BRAF: variants seen among roughly 807,000 people sequenced by gnomAD.
BRAF encodes the protein B-Raf proto-oncogene, serine/threonine kinase.
BRAF carries 16 observed loss-of-function variants against 104.6 expected under a neutral mutation model. The observed-to-expected ratio is 0.15, with a 90% CI of 0.10 to 0.23. The LOEUF (loss-of-function observed/expected upper bound fraction) is 0.23, where lower values mean the gene tolerates loss of function less well. BRAF is among the 10% of genes least tolerant of loss of function. The pLI, the probability that BRAF is intolerant of heterozygous loss-of-function variation, is 1.00. For synonymous variants in BRAF, 310 were observed against 341.6 expected (o/e 0.91, Z 1.02); for missense variants, 541 against 937.3 (o/e 0.58, Z 5.52).
chr7:140,844,004 A>C (rs1286839954), intron 2 of BRAF, among the ~76,000 whole-genome samples: 1 of 152,128 alleles, frequency 6.6e-6, no homozygotes, highest in Non-Finnish European at 1.5e-5. Flanking sequence ...GCAAGACTCC[A>C]TCTCAAAAAA....
the BRAF span, among the ~76,000 whole-genome samples, chr7:140,713,533 T>C: frequency 6.6e-6 from 1 of 152,132 alleles, no homozygotes; most frequent in Non-Finnish European, 1.5e-5. Context: ...TCAAAGCTTT[T>C]AACTTCTTTG....
intron 17 of BRAF, among the ~76,000 whole-genome samples, chr7:140,746,601 C>T (rs901910471): frequency 6.6e-6 from 1 of 151,904 alleles, no homozygotes; most frequent in Admixed American, 6.6e-5. Flanking sequence ...CAGGCTGAGG[C>T]GGGCAGATCA....
At chr7:140,796,245 G>T (rs1319925128) in intron 7 of BRAF, among the ~76,000 whole-genome samples, 1 of 151,994 alleles carries the variant, frequency 6.6e-6, no homozygotes, top group Non-Finnish European at 1.5e-5. Context: ...CAGCTACTCA[G>T]GGGGCTGAGG....
At chr7:140,765,910 G>A (rs993011530) in intron 14 of BRAF, among the ~76,000 whole-genome samples, 1 of 142,856 alleles carries the variant, frequency 7.0e-6, no homozygotes, top group African/African-American at 3.0e-5. Flanking sequence ...CAGGGATCTA[G>A]AACTAGAAAT....
chr7:140,747,036 T>C (rs1246962085), intron 17 of BRAF, among the ~76,000 whole-genome samples: 1 of 152,124 alleles, frequency 6.6e-6, no homozygotes, highest in Non-Finnish European at 1.5e-5. Context: ...AGAATATTCC[T>C]GGATTCTTAA....
chr7:140,759,671 C>A (rs939474238), intron 14 of BRAF, among the ~76,000 whole-genome samples: 1 of 152,240 alleles, frequency 6.6e-6, no homozygotes, highest in East Asian at 1.9e-4. Context: ...GAGGCGTGAG[C>A]CACCACACCC....
At chr7:140,785,518 T>C (rs1801264832) in intron 10 of BRAF, among the ~76,000 whole-genome samples, 1 of 152,204 alleles carries the variant, frequency 6.6e-6, no homozygotes, top group Admixed American at 6.5e-5. Context: ...CTTGTGGCAG[T>C]GAGTACGTGT....
chr7:140,805,928 CA>C (rs1297656247), intron 5 of BRAF, among the ~76,000 whole-genome samples: 1 of 152,116 alleles, frequency 6.6e-6, no homozygotes, highest in Non-Finnish European at 1.5e-5. Context: ...TTCTAACACA[CA>C]AATCTAATCA....
chr7:140,784,836 G>T (rs1217287144), intron 10 of BRAF, among the ~76,000 whole-genome samples: 1 of 151,948 alleles, frequency 6.6e-6, no homozygotes, highest in Admixed American at 6.6e-5. Flanking sequence ...TTGTAGAGAC[G>T]GGGTTTCACC....
intron 3 of BRAF, among the ~76,000 whole-genome samples, chr7:140,833,018 C>T (rs1323892514): frequency 6.6e-6 from 1 of 151,948 alleles, no homozygotes; most frequent in Admixed American, 6.6e-5. Context: ...GGACTACAGG[C>T]ACCCACCACC....
chr7:140,848,443 G>C (rs1003556774), intron 2 of BRAF, among the ~76,000 whole-genome samples: 1 of 152,156 alleles, frequency 6.6e-6, no homozygotes, highest in Non-Finnish European at 1.5e-5. Context: ...ACACAGTACT[G>C]GGCACAGAAT....
intron 1 of BRAF, among the ~76,000 whole-genome samples, chr7:140,912,376 C>T (rs2129140658): frequency 6.6e-6 from 1 of 152,290 alleles, no homozygotes; most frequent in East Asian, 1.9e-4. Flanking sequence ...ACATACTCTG[C>T]TTAATGGCCT....
chr7:140,721,096 A>G lies in BRAF; in HGVS notation c.*5398T>C, dbSNP rs1795302162. On this transcript the variant is annotated 3_prime_UTR_variant, in exon 20 of 20. Transcript: ENST00000644969. The stretch of plus-strand genomic sequence containing the variant: ...TCTTTAAAAAAAAATGCACCTCTAA[A>G]AAATGGATACACTGGCTTACATTGG... The G allele has an allele frequency of 1.1e-5, 12 of 1,064,684 alleles. No homozygotes were observed. Among genetic ancestry groups the G allele is most frequent in the Non-Finnish European group, 1.3e-5 (11 of 878,990 alleles). 66.0% of individuals were successfully genotyped at this position (1,064,684 alleles called of 1,614,324 possible). A position where few individuals can be genotyped will look rare whatever the true frequency, so the allele number is the denominator to read the frequency against.
chr7:140,838,768 T>C (rs1364134822), intron 2 of BRAF, among the ~76,000 whole-genome samples: 1 of 152,080 alleles, frequency 6.6e-6, no homozygotes, highest in East Asian at 1.9e-4. Context: ...AGAACACACA[T>C]ATAGAACAGA....
chr7:140,723,296 A>G lies in BRAF; in HGVS notation c.*3198T>C, dbSNP rs1795413681. ...AACCAGAAGCTAGGAAATATTTACA[A>G]AGTTTCAGGTTGACAGTGCTGCAGT... is the stretch of plus-strand genomic sequence containing the variant. On this transcript the variant is annotated 3_prime_UTR_variant, in exon 20 of 20. Transcript: ENST00000644969. 9.5e-7 allele frequency: 1 copy of G among 1,056,122 alleles called. No individual in the cohort carries two copies. The highest frequency in any genetic ancestry group is 1.7e-5 in the African/African-American group (1 of 60,560). The allele number at this position is 1,056,122 out of a possible 1,614,324, so 65.4% of individuals were successfully genotyped here.
chr7:140,800,886 T>C (rs574007372), intron 6 of BRAF: 58 of 299,564 alleles, frequency 1.9e-4, no homozygotes, highest in African/African-American at 6.2e-4. Context: ...AAAGAGATAA[T>C]AGACTCAGTC....
At chr7:140,859,603 C>G (rs1036573680) in intron 1 of BRAF, among the ~76,000 whole-genome samples, 1 of 151,920 alleles carries the variant, frequency 6.6e-6, no homozygotes, top group African/African-American at 2.4e-5. Context: ...TGTCAATTTT[C>G]CACAAATAAA....
intron 19 of BRAF, among the ~76,000 whole-genome samples, chr7:140,728,200 A>G (rs1009772): frequency 0.057 from 8,667 of 152,176 alleles, 294 homozygotes; most frequent in South Asian, 0.11. Flanking sequence ...TGATAACCCT[A>G]TGAGGCAGAT....
At chr7:140,849,964 A>G (rs1808981342) in intron 2 of BRAF, 147 bp downstream of exon 2, 1 of 581,680 alleles carries the variant, frequency 1.7e-6, no homozygotes, top group East Asian at 2.9e-5. Flanking sequence ...AAGATTAAGA[A>G]GTATAATACA....
Sources: gnomAD v4.1 joint callset for allele counts (sites outside exome capture counted in the v4.1 genomes callset) on GRCh38, gnomAD v4.1.1 for gene constraint, MANE v1.5 for transcripts, NCBI Gene and HGNC (gene_info 2026-07-23, HGNC 2026-07-21) for gene names.